SH3RF3: variants seen among roughly 807,000 people sequenced by gnomAD.
SH3RF3 encodes SH3 domain containing ring finger 3, also known as E3 ubiquitin-protein ligase SH3RF3.
Under a neutral mutation model 66.3 loss-of-function variants are expected in SH3RF3, and 29 were observed. The ratio of observed to expected loss-of-function variants is 0.44; its 90% CI spans 0.33 to 0.60. The LOEUF (loss-of-function observed/expected upper bound fraction) is 0.60, where lower values mean the gene tolerates loss of function less well. Among genes scored for constraint, SH3RF3 ranks in the 20% least tolerant of loss-of-function variants. The pLI is 0.04. For synonymous variants in SH3RF3, 583 were observed against 532.0 expected (o/e 1.10, Z -1.32); for missense variants, 1,194 against 1,190.9 (o/e 1.00, Z -0.04).
At chr2:109,491,362 G>A (rs1169493318) in intron 9 of SH3RF3, among the ~76,000 whole-genome samples, 2 of 152,118 alleles carry the variant, frequency 1.3e-5, no homozygotes, top group East Asian at 1.9e-4. Context: ...CAACCCACTC[G>A]GCGTCTTAGA....
At chr2:109,304,251 C>T (rs919511399) in intron 1 of SH3RF3, among the ~76,000 whole-genome samples, 2 of 152,184 alleles carry the variant, frequency 1.3e-5, no homozygotes, top group Non-Finnish European at 2.9e-5. Context: ...CCTCCCCATT[C>T]CAACCCCAGC....
intron 1 of SH3RF3, among the ~76,000 whole-genome samples, chr2:109,218,330 C>G (rs1431907567): frequency 6.6e-6 from 1 of 152,202 alleles, no homozygotes; most frequent in Non-Finnish European, 1.5e-5. Flanking sequence ...TGGATTTCTT[C>G]TACTTCACCA....
At chr2:109,349,120 C>G (rs1168219310) in intron 2 of SH3RF3, among the ~76,000 whole-genome samples, 1 of 152,136 alleles carries the variant, frequency 6.6e-6, no homozygotes, top group Non-Finnish European at 1.5e-5. Flanking sequence ...TCCTTCCTGC[C>G]TCTGAGAGGC....
At chr2:109,372,510 T>C (rs1318621729) in intron 3 of SH3RF3, among the ~76,000 whole-genome samples, 1 of 152,230 alleles carries the variant, frequency 6.6e-6, no homozygotes, top group Non-Finnish European at 1.5e-5. Context: ...GCCAGACACT[T>C]GGAAGTACCT....
Position 109,406,329 on chromosome 2 carries a change from T to G in SH3RF3, c.1299+7386T>G, listed in dbSNP as rs150675819. On this transcript the variant is annotated intron_variant, in intron 4 of 9. Coordinates refer to ENST00000309415, the MANE Select transcript of SH3RF3 (RefSeq NM_001099289.3). The stretch of plus-strand genomic sequence containing the variant: ...ATGATTGCTTACATTTTAGAAAAAT[T>G]TCCTCATAAACCAAGTATGAAGTCA... 3.0e-3 allele frequency among the ~76,000 whole-genome samples: 462 copies of G among 152,224 alleles called. 4 individuals carry two copies. Among genetic ancestry groups the G allele is most frequent in the African/African-American group, 0.01 (436 of 41,532 alleles).
At chr2:109,218,917 C>A (rs551499143) in intron 1 of SH3RF3, among the ~76,000 whole-genome samples, 10 of 152,258 alleles carry the variant, frequency 6.6e-5, no homozygotes, top group Non-Finnish European at 1.3e-4. Context: ...AGGTGAGAGC[C>A]CTGCCTTCCC....
chr2:109,197,301 G>A (rs1261577439), intron 1 of SH3RF3, among the ~76,000 whole-genome samples: 2 of 152,190 alleles, frequency 1.3e-5, no homozygotes, highest in Non-Finnish European at 2.9e-5. Flanking sequence ...CTCATTCTGG[G>A]AGGGCTGCTG....
chr2:109,169,209 A>G (rs768166324), intron 1 of SH3RF3, among the ~76,000 whole-genome samples: 13 of 152,220 alleles, frequency 8.5e-5, no homozygotes, highest in African/African-American at 1.9e-4. Context: ...AAAACCAGCT[A>G]TGGGACAAAC....
intron 1 of SH3RF3, among the ~76,000 whole-genome samples, chr2:109,155,762 T>C (rs1387819264): frequency 3.9e-5 from 6 of 152,214 alleles, no homozygotes; most frequent in Admixed American, 3.9e-4. Flanking sequence ...ATCCTGCCAA[T>C]GTTGATCATA....
At chr2:109,417,078 T>C (rs1198378527) in intron 4 of SH3RF3, among the ~76,000 whole-genome samples, 2 of 152,090 alleles carry the variant, frequency 1.3e-5, no homozygotes, top group African/African-American at 4.8e-5. Flanking sequence ...AATTGCTTGG[T>C]AACTATTTGA....
At chr2:109,468,291 G>A (rs2104712773) in intron 8 of SH3RF3, among the ~76,000 whole-genome samples, 1 of 152,294 alleles carries the variant, frequency 6.6e-6, no homozygotes, top group East Asian at 1.9e-4. Flanking sequence ...TAACACAGCG[G>A]CAAGTACCGT....
At chr2:109,218,199 T>G (rs970088860) in intron 1 of SH3RF3, among the ~76,000 whole-genome samples, 1 of 151,970 alleles carries the variant, frequency 6.6e-6, no homozygotes, top group Non-Finnish European at 1.5e-5. Context: ...CTGAGGCACG[T>G]GACAAAATTT....
In SH3RF3 at chr2:109,129,268, G is replaced by T; in HGVS notation, c.-273G>T. 1.6e-6 allele frequency: 1 copy of T among 608,550 alleles called. No individual in the cohort carries two copies. Among genetic ancestry groups the T allele is most frequent in the Non-Finnish European group, 2.9e-6 (1 of 348,112 alleles). 37.7% of individuals were successfully genotyped at this position (608,550 alleles called of 1,614,324 possible). On this transcript the variant is annotated 5_prime_UTR_variant, in exon 1 of 10. Coordinates refer to ENST00000309415, the MANE Select transcript of SH3RF3 (RefSeq NM_001099289.3). ...GTCCCCCGCGCGGGGCGGACTTGCGGCGGGACAGGTGTAGCCCGCAGCCGC... is the reference window on the plus strand; with the variant it reads ...GTCCCCCGCGCGGGGCGGACTTGCGTCGGGACAGGTGTAGCCCGCAGCCGC...
rs550315473 is a variant in SH3RF3 at position 109,418,432 on chromosome 2, C to G, written c.1300-1107C>G. Among the ~76,000 whole-genome samples the G allele has an allele frequency of 3.2e-4, 49 of 152,280 alleles. No individual in the cohort carries two copies. In the South Asian group the frequency reaches 5.4e-3, roughly 17 times the overall value. On this transcript the variant is annotated intron_variant, in intron 4 of 9. Coordinates refer to ENST00000309415, the MANE Select transcript of SH3RF3 (RefSeq NM_001099289.3). The stretch of plus-strand genomic sequence containing the variant: ...TGGACAGGTTTGGTTCCTCCTGAGG[C>G]TGAGGGGAGTCTGTTCCGGGGCTCC...
At chr2:109,287,000 A>G (rs1681044083) in intron 1 of SH3RF3, among the ~76,000 whole-genome samples, 1 of 152,178 alleles carries the variant, frequency 6.6e-6, no homozygotes, top group South Asian at 2.1e-4. Flanking sequence ...TGGGACGTGC[A>G]ACTGTCCCTG....
rs141811895 is a variant in SH3RF3, at chr2:109,209,597, A to T, written c.573+79484A>T. ...GATTTTCCTTCCTTTTGAGTTTCCT[A>T]TCCACTCCCTGCTGTGTAGGTGGGG... On this transcript the variant is annotated intron_variant, in intron 1 of 9. Transcript: ENST00000309415. 2.4e-4 allele frequency among the ~76,000 whole-genome samples: 36 copies of T among 152,232 alleles called. No homozygotes were observed. In the East Asian group the frequency reaches 7.0e-3, roughly 30 times the overall value.
At chr2:109,302,557 C>A (rs866870096) in intron 1 of SH3RF3, among the ~76,000 whole-genome samples, 5 of 152,336 alleles carry the variant, frequency 3.3e-5, no homozygotes, top group Non-Finnish European at 5.9e-5. Context: ...AGGCCAGAGA[C>A]CCTGTGCTGT....
At chr2:109,206,807 A>G (rs1678851967) in intron 1 of SH3RF3, among the ~76,000 whole-genome samples, 1 of 152,190 alleles carries the variant, frequency 6.6e-6, no homozygotes, top group Admixed American at 6.5e-5. Context: ...CAAGAGAGAG[A>G]CACTATTAGT....
At chr2:109,343,922 T>C (rs77681713) in intron 1 of SH3RF3, among the ~76,000 whole-genome samples, 1 of 152,098 alleles carries the variant, frequency 6.6e-6, no homozygotes, top group Non-Finnish European at 1.5e-5. Context: ...AAAAATATTA[T>C]TTTTAGAGAT....
Sources: gnomAD v4.1 joint callset for allele counts (sites outside exome capture counted in the v4.1 genomes callset) on GRCh38, gnomAD v4.1.1 for gene constraint, MANE v1.5 for transcripts, NCBI Gene and HGNC (gene_info 2026-07-23, HGNC 2026-07-21) for gene names.